PLCH1: variants seen among roughly 807,000 people sequenced by gnomAD.
PLCH1 encodes the protein phospholipase C eta 1, also known as 1-phosphatidylinositol 4,5-bisphosphate phosphodiesterase eta-1.
In PLCH1, 60 loss-of-function variants were observed where a neutral mutation model predicts 126.7. The ratio of observed to expected loss-of-function variants is 0.47; its 90% confidence interval spans 0.38 to 0.59. PLCH1 has a LOEUF of 0.59. Among genes scored for constraint, PLCH1 ranks in the 20% least tolerant of loss-of-function variants. The pLI is 0.00. For synonymous variants in PLCH1, 719 were observed against 734.9 expected (o/e 0.98, Z 0.35); for missense variants, 1,723 against 2,040.0 (o/e 0.84, Z 2.99).
intron 5 of PLCH1, among the ~76,000 whole-genome samples, chr3:155,583,901 A>G: frequency 6.7e-6 from 1 of 150,014 alleles, no homozygotes; most frequent in Admixed American, 6.6e-5. Context: ...TTTATAAATC[A>G]ACAAAGAAAC....
chr3:155,492,771 T>A lies in PLCH1; in HGVS notation c.2265A>T (p.Gln755His). ...QLILKVISGQ[Q>H]LPKPPDSMFG... Reference sequence around the variant, plus strand: ...ACATGGAGTCTGGAGGTTTGGGGAGTTGCTGTCCACTGATAACTTTCAGGA... The same window carrying A: ...ACATGGAGTCTGGAGGTTTGGGGAGATGCTGTCCACTGATAACTTTCAGGA... The change falls in exon 18 of 23, where the codon CAA (glutamine) becomes CAT (histidine). Residue 755 changes from glutamine (Q) to histidine (H), a missense_variant. Gln to His is a conservative substitution (Grantham distance 24, BLOSUM62 0). Around this residue, in one of 2 missense-constraint regions of PLCH1, gnomAD observed 776 missense variants for 1,062.9 expected, o/e 0.73. Coordinates refer to ENST00000460012, the MANE Select transcript of PLCH1 (RefSeq NM_014996.4). 1 of 1,606,478 alleles carries A rather than the reference T, an allele frequency of 6.2e-7. No individual in the cohort carries two copies. Among genetic ancestry groups the A allele is most frequent in the South Asian group, 1.1e-5 (1 of 89,324 alleles).
chr3:155,602,627 A>T (rs1218259809), intron 2 of PLCH1, among the ~76,000 whole-genome samples: 1 of 152,228 alleles, frequency 6.6e-6, no homozygotes, highest in East Asian at 1.9e-4. Flanking sequence ...ACAAACCTGT[A>T]CAACATGCTA....
intron 1 of PLCH1, among the ~76,000 whole-genome samples, chr3:155,709,910 TC>T (rs1746967221): frequency 1.3e-5 from 2 of 152,056 alleles, no homozygotes; most frequent in South Asian, 4.1e-4. Context: ...CAGCCATCAT[TC>T]CTGGCCTTTT....
At chr3:155,453,597 G>T (rs1266998783) in intron 21 of PLCH1, among the ~76,000 whole-genome samples, 1 of 152,016 alleles carries the variant, frequency 6.6e-6, no homozygotes, top group Non-Finnish European at 1.5e-5. Flanking sequence ...ATGCATAAAT[G>T]TCTGGAATTC....
chr3:155,451,070 T>C (rs539904250), intron 21 of PLCH1, among the ~76,000 whole-genome samples: 48 of 152,188 alleles, frequency 3.2e-4, no homozygotes, highest in African/African-American at 1.0e-3. Flanking sequence ...ACAAAATTAA[T>C]AATGAGAATA....
intron 4 of PLCH1, among the ~76,000 whole-genome samples, chr3:155,589,465 C>T (rs1731816782): frequency 1.3e-5 from 2 of 152,038 alleles, no homozygotes; most frequent in African/African-American, 4.8e-5. Context: ...ATTTAAAACC[C>T]ATTCTTAGCT....
At chr3:155,681,898 C>A (rs982193825) in intron 2 of PLCH1, among the ~76,000 whole-genome samples, 13 of 152,242 alleles carry the variant, frequency 8.5e-5, no homozygotes, top group Admixed American at 7.2e-4. Flanking sequence ...CCTGTCTGAA[C>A]CCCTGCTTAG....
chr3:155,607,571 G>C (rs546379727), intron 2 of PLCH1, among the ~76,000 whole-genome samples: 1 of 151,792 alleles, frequency 6.6e-6, no homozygotes, highest in African/African-American at 2.4e-5. Context: ...CCTTCTGAGT[G>C]CTGGGAGTAG....
intron 2 of PLCH1, among the ~76,000 whole-genome samples, chr3:155,639,311 C>A (rs144087104): frequency 6.6e-6 from 1 of 151,932 alleles, no homozygotes; most frequent in Admixed American, 6.6e-5. Flanking sequence ...ATAAAAAATA[C>A]TTAGCCTGGA....
At chr3:155,535,913 T>C (rs1361409661) in intron 10 of PLCH1, among the ~76,000 whole-genome samples, 1 of 152,118 alleles carries the variant, frequency 6.6e-6, no homozygotes, top group Non-Finnish European at 1.5e-5. Context: ...CCAAGGACCC[T>C]CACAGAGTCT....
intron 6 of PLCH1, 21 bp downstream of exon 6, chr3:155,583,451 A>T: frequency 1.9e-6 from 3 of 1,554,320 alleles, no homozygotes; most frequent in Non-Finnish European, 2.6e-6. Flanking sequence ...GTAAACTTTC[A>T]TTTTAACAGT....
intron 1 of PLCH1, among the ~76,000 whole-genome samples, chr3:155,721,729 A>G (rs1302843478): frequency 6.6e-6 from 1 of 152,090 alleles, no homozygotes; most frequent in Admixed American, 6.6e-5. Context: ...TCTGGCTAGG[A>G]TTTCCAGTAC....
In PLCH1 at chr3:155,483,069, T is replaced by C; in HGVS notation, c.2975-18A>G. The C allele has an allele frequency of 6.2e-7, 1 of 1,603,514 alleles. No homozygotes were observed. Among genetic ancestry groups the C allele is most frequent in the Non-Finnish European group, 8.5e-7 (1 of 1,174,330 alleles). On this transcript the variant is annotated intron_variant, in intron 22 of 22. Coordinates refer to ENST00000460012, the MANE Select transcript of PLCH1 (RefSeq NM_014996.4). ...ATCTTCTGCTGAAGGAGACAAACAA[T>C]ATTTTAGGTGACATCTATCACTTTA...
chr3:155,633,747 C>T (rs1288954441), intron 2 of PLCH1, among the ~76,000 whole-genome samples: 1 of 152,142 alleles, frequency 6.6e-6, no homozygotes, highest in Non-Finnish European at 1.5e-5. Context: ...CATGGCCAAC[C>T]CCATCTCTAC....
chr3:155,667,545 A>G (rs1742863438), intron 2 of PLCH1, among the ~76,000 whole-genome samples: 1 of 152,204 alleles, frequency 6.6e-6, no homozygotes, highest in Non-Finnish European at 1.5e-5. Flanking sequence ...ATGAAAAAAC[A>G]CACATATTTG....
intron 2 of PLCH1, among the ~76,000 whole-genome samples, chr3:155,643,047 C>T (rs981870832): frequency 1.3e-5 from 2 of 152,180 alleles, no homozygotes; most frequent in Middle Eastern, 3.2e-3. Context: ...CTCCTGAGTT[C>T]AAGCAATTTT....
chr3:155,656,356 T>A (rs73874901), intron 2 of PLCH1, among the ~76,000 whole-genome samples: 5,271 of 152,302 alleles, frequency 0.035, 326 homozygotes, highest in African/African-American at 0.12. Context: ...ATCTAAACTT[T>A]ATTTCATAAA....
intron 10 of PLCH1, among the ~76,000 whole-genome samples, chr3:155,547,832 T>G (rs373369811): frequency 7.2e-6 from 1 of 138,500 alleles, no homozygotes; most frequent in Non-Finnish European, 1.5e-5. Context: ...TAGGTGGGAA[T>G]TGAACAACGA....
intron 12 of PLCH1, among the ~76,000 whole-genome samples, chr3:155,513,649 A>T (rs1244174297): frequency 6.6e-6 from 1 of 152,204 alleles, no homozygotes; most frequent in Non-Finnish European, 1.5e-5. Flanking sequence ...CATAGAAATT[A>T]TTAAGAAAAT....
Sources: allele counts gnomAD v4.1 joint callset (sites outside exome capture counted in the v4.1 genomes callset), GRCh38; gene constraint gnomAD v4.1.1; regional missense constraint gnomAD v4.1.1; transcripts MANE v1.5; gene names NCBI Gene and HGNC (gene_info 2026-07-23, HGNC 2026-07-21).